Variants in ARHGAP9 observed in about 807,000 individuals in gnomAD.
The protein encoded by ARHGAP9 is rho GTPase-activating protein 9.
A neutral mutation model predicts 87.3 loss-of-function variants in ARHGAP9; 76 were observed. The ratio of observed to expected loss-of-function variants is 0.87; its 90% CI spans 0.72 to 1.05. The LOEUF (loss-of-function observed/expected upper bound fraction) is 1.05, where lower values mean the gene tolerates loss of function less well. ARHGAP9 is among the 50% of genes least tolerant of loss of function. The probability of loss-of-function intolerance (pLI) is 0.00; values close to 1 mark genes in which losing one functional copy is unlikely to be tolerated. For synonymous variants in ARHGAP9, 382 were observed against 394.9 expected, an observed-to-expected ratio of 0.97 and a Z score of 0.39; for missense variants, 941 against 960.5, an observed-to-expected ratio of 0.98 and a Z score of 0.27.
intron 10 of ARHGAP9, 29 bp downstream of exon 10, chr12:57,475,804 G>A: frequency 6.2e-7 from 1 of 1,610,920 alleles, no homozygotes; most frequent in Non-Finnish European, 8.5e-7. Flanking sequence ...GCCGGTCGGA[G>A]CCTCCCTCCG....
Position 57,478,425 on chromosome 12 carries a change from G to A in ARHGAP9, c.534+115C>T, listed in dbSNP as rs114412488. 4.3e-3 allele frequency: 4,609 copies of A among 1,074,958 alleles called. 121 individuals are homozygous for A. The African/African-American group carries it at 0.058, about 13-fold the overall frequency. 66.6% of individuals were successfully genotyped at this position (1,074,958 alleles called of 1,614,324 possible). On this transcript the variant is annotated intron_variant, in intron 3 of 17. Coordinates refer to ENST00000393791, the MANE Select transcript of ARHGAP9 (RefSeq NM_032496.4). ...TTTAGACTTATCAGTAGTACCAAGC[G>A]TTATCTTATTTATTTGTTTTTGTGT...
At position 57,479,339 on chromosome 12, in the gene ARHGAP9, C is replaced by G. The variant is rs762525918; in HGVS notation, c.68G>C (p.Arg23Pro). Residue 23 changes from arginine (R) to proline (P), a missense_variant, in exon 2 of 18, where the codon CGG becomes CCG. Coordinates refer to ENST00000393791, the MANE Select transcript of ARHGAP9 (RefSeq NM_032496.4). ...ATAGAGGGCACAGAGCTGGGATCCC[C>G]GAGGAGGGCTTCGGGGGCCCAGCCC... ...ILGLGPRSPP[R>P]GSQLCALYAF... 22 of 1,614,172 alleles carry G rather than the reference C, an allele frequency of 1.4e-5. 1 individual carries two copies. In the South Asian group the frequency reaches 2.3e-4, roughly 17 times the overall value.
intron 16 of ARHGAP9, 47 bp downstream of exon 16, chr12:57,473,994 AC>A: frequency 6.3e-7 from 1 of 1,574,802 alleles, no homozygotes; most frequent in Non-Finnish European, 8.6e-7. Context: ...ATTATTTACC[AC>A]CCGTGTCCCC....
In ARHGAP9 at chr12:57,477,159, T is replaced by G; in HGVS notation, c.867A>C (p.Pro289=). ...TGGGAGATGGGAGGGATCTCACCTG[T>G]GGGTCAAGCGGTTCTGGGGTCCCTG... is the stretch of plus-strand genomic sequence containing the variant. ...SDTGTPEPLD[P]QGSLSLSQRT... Residue 289 remains proline (P), a synonymous_variant, in exon 5 of 18, where the codon CCA becomes CCC. Coordinates refer to ENST00000393791, the MANE Select transcript of ARHGAP9 (RefSeq NM_032496.4). The G allele has an allele frequency of 6.2e-7, 1 of 1,613,534 alleles. No individual in the cohort carries two copies. Among genetic ancestry groups the G allele is most frequent in the East Asian group, 2.2e-5 (1 of 44,886 alleles).
chr12:57,479,452 C>T (rs1244161660), intron 1 of ARHGAP9, 28 bp from the exon 2 acceptor site: 1 of 1,591,624 alleles, frequency 6.3e-7, no homozygotes, highest in African/African-American at 1.3e-5. Context: ...ACTGGAGACC[C>T]AGAAGGGAAT....
chr12:57,474,142 A>G lies in ARHGAP9; in HGVS notation c.1818T>C (p.Asp606=). 1 of 1,614,200 alleles carries G rather than the reference A, an allele frequency of 6.2e-7. No individual in the cohort carries two copies. The highest frequency in any genetic ancestry group is 1.3e-5 in the African/African-American group (1 of 75,046). ...GRLDLDSTEW[D]DIHVVTGALK... is the part of the protein sequence containing the mutation. ...GGGCTCCGGTGACCACATGAATGTC[A>G]TCCCACTCAGTACTGTCCAAATCTA... Residue 606 remains aspartate, a synonymous_variant, in exon 16 of 18, where the codon GAT becomes GAC. Coordinates refer to ENST00000393791, the MANE Select transcript of ARHGAP9 (RefSeq NM_032496.4).
intron 1 of ARHGAP9, chr12:57,488,513 T>C: frequency 1.3e-6 from 2 of 1,481,894 alleles, no homozygotes; most frequent in Non-Finnish European, 1.8e-6. Context: ...CCCCCTCTGC[T>C]CTTTAGTTAC....
At chr12:57,481,804 T>C (rs1476221225), upstream of ARHGAP9, among the ~76,000 whole-genome samples, 1 of 152,198 alleles carries the variant, frequency 6.6e-6, no homozygotes, top group Non-Finnish European at 1.5e-5. Flanking sequence ...CAGTTCCTTG[T>C]CTGTGGCATG....
In ARHGAP9 at chr12:57,474,048, C is replaced by T. The variant is rs1375629836; in HGVS notation, c.1912G>A (p.Ala638Thr). The change falls in exon 16 of 18, where the codon GCC becomes ACC. Residue 638 changes from alanine to threonine, a missense_variant. Physicochemically the swap from Ala to Thr is moderately conservative, Grantham distance 58 (BLOSUM62 0). Transcript: ENST00000393791. Reference sequence around the variant, plus strand: ...CCAAAGCTCCAACCCTTACCAAGGGCAGCACGGAAATGGGGCAGCAGCAGT... The same window carrying T: ...CCAAAGCTCCAACCCTTACCAAGGGTAGCACGGAAATGGGGCAGCAGCAGT... ...PPLLLPHFRA[A>T]LALSESEQCL... is the part of the protein sequence containing the mutation. The T allele has an allele frequency of 2.5e-6, 4 of 1,613,412 alleles. No individual in the cohort carries two copies. Among genetic ancestry groups the T allele is most frequent in the Non-Finnish European group, 3.4e-6 (4 of 1,179,736 alleles).
At chr12:57,479,002 G>C (rs1306798229) in intron 2 of ARHGAP9, 89 bp downstream of exon 2, 5 of 1,472,804 alleles carry the variant, frequency 3.4e-6, no homozygotes, top group Non-Finnish European at 3.7e-6. Flanking sequence ...TTGAGGGAGG[G>C]GGACCTCCCC....
Position 57,479,771 on chromosome 12 carries a change from C to T in ARHGAP9, c.-60G>A, listed in dbSNP as rs1874816168. On this transcript the variant is annotated 5_prime_UTR_variant, in exon 1 of 18. Transcript: ENST00000393791. Reference sequence around the variant, plus strand: ...GAAGATTCAGGAGCAGGAGTTGGTCCTGGGTAGTGGTGGGAGTCTTGAGGT... The same window carrying T: ...GAAGATTCAGGAGCAGGAGTTGGTCTTGGGTAGTGGTGGGAGTCTTGAGGT... The T allele has an allele frequency of 6.5e-7, 1 of 1,550,220 alleles. No homozygotes were observed. Among genetic ancestry groups the T allele is most frequent in the South Asian group, 1.2e-5 (1 of 83,992 alleles).
chr12:57,488,150 G>C (rs778160248), intron 1 of ARHGAP9: 1 of 1,614,168 alleles, frequency 6.2e-7, no homozygotes, highest in East Asian at 2.2e-5. Flanking sequence ...CCGCCGCCGG[G>C]AGAGCCCGGG....
rs1310101636 is a variant in ARHGAP9 at position 57,488,148 on chromosome 12, G to A, written c.-204+464C>T. 1.2e-6 allele frequency: 2 copies of A among 1,614,050 alleles called. No homozygotes were observed. Among genetic ancestry groups the A allele is most frequent in the African/African-American group, 2.7e-5 (2 of 74,934 alleles). On this transcript the variant is annotated intron_variant, in intron 1 of 20. Coordinates refer to the ARHGAP9 transcript ENST00000393797. The stretch of plus-strand genomic sequence containing the variant: ...TTGCTTGCCGGTGCTGGCCGCCGCC[G>A]GGAGAGCCCGGGGCAGAGCAGAGGT...
chr12:57,485,973 A>C (rs1359223644), intron 1 of ARHGAP9, among the ~76,000 whole-genome samples: 2 of 152,158 alleles, frequency 1.3e-5, no homozygotes, highest in African/African-American at 2.4e-5. Context: ...CTAGCATGGC[A>C]GCTCAAAGTG....
chr12:57,479,648 G>A, intron 1 of ARHGAP9, 82 bp downstream of exon 1: 1 of 1,549,708 alleles, frequency 6.5e-7, no homozygotes, highest in Non-Finnish European at 8.7e-7. Context: ...ACATGAGAGA[G>A]GATGTGGTCA....
At chr12:57,474,253 A>C (rs1267740696) in intron 15 of ARHGAP9, 77 bp from the exon 16 acceptor site, 2 of 1,583,874 alleles carry the variant, frequency 1.3e-6, no homozygotes, top group South Asian at 2.3e-5. Flanking sequence ...AGTTCTGGAG[A>C]AATCCAGTCA....
rs1201357420 is a variant in ARHGAP9, at chr12:57,479,145, T to C, written c.262A>G (p.Ile88Val). 6.2e-7 allele frequency: 1 copy of C among 1,613,964 alleles called. No homozygotes were observed. Among genetic ancestry groups the C allele is most frequent in the African/African-American group, 1.3e-5 (1 of 74,896 alleles). The change falls in exon 2 of 18, where the codon ATC becomes GTC. Residue 88 changes from isoleucine (I) to valine (V), a missense_variant. Coordinates refer to ENST00000393791, the MANE Select transcript of ARHGAP9 (RefSeq NM_032496.4). ...ACGGTAGTTGGACTCTGGGAAGGGATGGATTCCTCTATCATATAGGCTGCT... is the reference window on the plus strand; with the variant it reads ...ACGGTAGTTGGACTCTGGGAAGGGACGGATTCCTCTATCATATAGGCTGCT... ...VPAAYMIEES[I>V]PSQSPTTVIP...
chr12:57,476,023 C>T (rs1413027973), intron 9 of ARHGAP9, 48 bp downstream of exon 9: 3 of 1,504,746 alleles, frequency 2.0e-6, no homozygotes, highest in Non-Finnish European at 2.7e-6. Context: ...AGATTGGGGG[C>T]GCCCTCGGGT....
chr12:57,475,073 C>T (rs1873082970), intron 12 of ARHGAP9, 100 bp from the exon 13 acceptor site: 3 of 1,313,592 alleles, frequency 2.3e-6, no homozygotes, highest in South Asian at 1.3e-5. Flanking sequence ...GTCCTCCTGG[C>T]TGCCTGTGCC....
Sources: allele counts gnomAD v4.1 joint callset (sites outside exome capture counted in the v4.1 genomes callset), GRCh38; gene constraint gnomAD v4.1.1; transcripts MANE v1.5; gene names NCBI Gene and HGNC (gene_info 2026-07-23, HGNC 2026-07-21).